The following FGD6 variants were observed in gnomAD, a reference collection of about 807,000 sequenced individuals.
The protein encoded by FGD6 is FYVE, RhoGEF and PH domain containing 6.
Under a neutral mutation model 149.4 loss-of-function variants are expected in FGD6, and 90 were observed. That is an observed-to-expected ratio of 0.60 (90% CI 0.51 to 0.72). FGD6 has a LOEUF of 0.72. Ranked by LOEUF, FGD6 falls within the 30% of genes least tolerant of loss-of-function variation. The pLI, the probability that FGD6 is intolerant of heterozygous loss-of-function variation, is 0.00. For synonymous variants in FGD6, 527 were observed against 584.0 expected (o/e 0.90, Z 1.41); for missense variants, 1,437 against 1,684.8 (o/e 0.85, Z 2.57).
chr12:95,171,039 C>T (rs1205475315), intron 3 of FGD6, among the ~76,000 whole-genome samples: 1 of 152,114 alleles, frequency 6.6e-6, no homozygotes, highest in Non-Finnish European at 1.5e-5. Context: ...TATTATGTGC[C>T]GATCAATATT....
Position 95,211,284 on chromosome 12 carries a change from A to G in FGD6, c.17-17T>C. 6.5e-7 allele frequency: 1 copy of G among 1,529,492 alleles called. No individual in the cohort carries two copies. Among genetic ancestry groups the G allele is most frequent in the South Asian group, 1.3e-5 (1 of 78,324 alleles). The allele number at this position is 1,529,492 out of a possible 1,614,324, so 94.7% of individuals were successfully genotyped here. On this transcript the variant is annotated splice_polypyrimidine_tract_variant and intron_variant, in intron 1 of 20. Transcript: ENST00000343958. ...TCTTTATCTCTAGAAAGGAAAAAATAATAATTTGATGTCAAAACAACCAAA... is the reference window on the plus strand; with the variant it reads ...TCTTTATCTCTAGAAAGGAAAAAATGATAATTTGATGTCAAAACAACCAAA...
chr12:95,150,013 C>CACACAT (rs1555220381), intron 5 of FGD6, among the ~76,000 whole-genome samples: 4 of 147,462 alleles, frequency 2.7e-5, no homozygotes, highest in African/African-American at 1.0e-4. Context: ...CACACACACA[C>CACACAT]ACACACACAC....
intron 1 of FGD6, among the ~76,000 whole-genome samples, chr12:95,212,419 G>T (rs994107823): frequency 6.6e-6 from 1 of 152,172 alleles, no homozygotes; most frequent in Non-Finnish European, 1.5e-5. Flanking sequence ...CATCGGTACA[G>T]ATCTGCTCCT....
At chr12:95,084,364 G>A (rs1219815187) in intron 20 of FGD6, 134 bp downstream of exon 20, 3 of 721,746 alleles carry the variant, frequency 4.2e-6, no homozygotes, top group Admixed American at 3.6e-5. Flanking sequence ...TAAATAATAC[G>A]TTAAATCTTT....
At chr12:95,117,501 T>C (rs1879055245) in intron 8 of FGD6, among the ~76,000 whole-genome samples, 1 of 152,022 alleles carries the variant, frequency 6.6e-6, no homozygotes, top group Non-Finnish European at 1.5e-5. Flanking sequence ...CAATGCTCAT[T>C]GTAGCTTCAA....
At chr12:95,194,420 A>G (rs1173447434) in intron 2 of FGD6, among the ~76,000 whole-genome samples, 1 of 113,594 alleles carries the variant, frequency 8.8e-6, no homozygotes, top group Non-Finnish European at 1.9e-5. Flanking sequence ...TTTTCAGTAG[A>G]GTCGGGGTTT....
chr12:95,123,504 A>C (rs1352933632), intron 8 of FGD6, among the ~76,000 whole-genome samples: 1 of 152,144 alleles, frequency 6.6e-6, no homozygotes, highest in Non-Finnish European at 1.5e-5. Context: ...TTTAGTGGGA[A>C]AGTCTAGCTA....
chr12:95,154,210 T>C (rs1880400690), intron 3 of FGD6, among the ~76,000 whole-genome samples: 1 of 152,148 alleles, frequency 6.6e-6, no homozygotes, highest in South Asian at 2.1e-4. Context: ...TCTGTCCACC[T>C]TGGCCTTCCA....
chr12:95,181,265 T>C (rs1039858647), intron 2 of FGD6, among the ~76,000 whole-genome samples: 16 of 152,144 alleles, frequency 1.1e-4, no homozygotes, highest in Non-Finnish European at 2.2e-4. Context: ...AACATAATAA[T>C]AGGGTCCGTC....
chr12:95,210,535 C>T lies in FGD6; in HGVS notation c.749G>A (p.Cys250Tyr). Residue 250 changes from cysteine (C) to tyrosine (Y), a missense_variant, in exon 2 of 21, where the codon TGT (cysteine) becomes TAT (tyrosine). By Grantham distance (194) the Cys-to-Tyr change is radical (BLOSUM62 -2). Transcript: ENST00000343958. ...ATCCTGGCAAGTTTCAAAATGTTCA[C>T]ATTCATCACTAGGAAGCTGTAAGTG... ...SCHLQLPSDECEHFETCQDDS... is the reference protein window; with the variant it reads ...SCHLQLPSDEYEHFETCQDDS... The T allele has an allele frequency of 6.2e-7, 1 of 1,614,112 alleles. No individual in the cohort carries two copies. The highest frequency in any genetic ancestry group is 8.5e-7 in the Non-Finnish European group (1 of 1,180,016).
chr12:95,143,111 AG>A (rs1034469883), intron 5 of FGD6, among the ~76,000 whole-genome samples: 125 of 152,210 alleles, frequency 8.2e-4, no homozygotes, highest in African/African-American at 2.8e-3. Context: ...AAAATCTGAA[AG>A]CAAAGTTTGG....
At chr12:95,174,832 G>A (rs1881085997) in intron 2 of FGD6, among the ~76,000 whole-genome samples, 1 of 146,590 alleles carries the variant, frequency 6.8e-6, no homozygotes, top group Non-Finnish European at 1.5e-5. Context: ...GGAGGCTGAG[G>A]CAGAGAATGG....
At chr12:95,174,927 CAAAAAAAAAA>C (rs10687970) in intron 2 of FGD6, among the ~76,000 whole-genome samples, 2 of 84,684 alleles carry the variant, frequency 2.4e-5, no homozygotes, top group Non-Finnish European at 4.1e-5. Flanking sequence ...ACTCCATCTC[CAAAAAAAAAA>C]AAAAAAAAAA....
At chr12:95,102,460 A>C (rs1436758873) in intron 14 of FGD6, among the ~76,000 whole-genome samples, 4 of 151,372 alleles carry the variant, frequency 2.6e-5, no homozygotes, top group Non-Finnish European at 4.4e-5. Context: ...AAAAAAAAAA[A>C]AAAAAAACAC....
At chr12:95,086,164 T>C (rs1438983017) in intron 18 of FGD6, among the ~76,000 whole-genome samples, 1 of 152,198 alleles carries the variant, frequency 6.6e-6, no homozygotes, top group Non-Finnish European at 1.5e-5. Flanking sequence ...GTATGTTTCT[T>C]GGTGGGTTCA....
At chr12:95,204,665 G>A (rs755824698) in intron 2 of FGD6, among the ~76,000 whole-genome samples, 1 of 152,090 alleles carries the variant, frequency 6.6e-6, no homozygotes, top group Non-Finnish European at 1.5e-5. Flanking sequence ...CCTGGCTACC[G>A]CCTCAGCCCC....
intron 15 of FGD6, among the ~76,000 whole-genome samples, chr12:95,094,219 G>A (rs994896582): frequency 4.0e-5 from 6 of 151,490 alleles, no homozygotes; most frequent in African/African-American, 1.2e-4. Context: ...TCACGTGCTC[G>A]GAATACTAAG....
In FGD6 at chr12:95,209,739, G is replaced by A. The variant is rs868225910; in HGVS notation, c.1545C>T (p.Ser515=). Residue 515 remains serine, a synonymous_variant, in exon 2 of 21, where the codon TCC becomes TCT. Transcript: ENST00000343958. ...AAGAACTTTTTTCCAAAAGCTCCTC[G>A]GAGGCAGCCTTTTTAAGCACTCCTG... is the stretch of plus-strand genomic sequence containing the variant. ...PATGVLKKAA[S]EELLEKSSYP... is the part of the protein sequence containing the mutation. 14 of 1,613,844 alleles carry A rather than the reference G, an allele frequency of 8.7e-6. No individual in the cohort carries two copies. Among genetic ancestry groups the A allele is most frequent in the East Asian group, 6.7e-5 (3 of 44,878 alleles).
chr12:95,201,129 C>T lies in FGD6; in HGVS notation c.2441+7714G>A, dbSNP rs563912722. On this transcript the variant is annotated intron_variant, in intron 2 of 20. Coordinates refer to ENST00000343958, the MANE Select transcript of FGD6 (RefSeq NM_018351.4). Reference sequence around the variant, plus strand: ...AAAATGTCTAGAAGAACATAAAAAGCTATCAAATGTAATATACAAGCACAG... The same window carrying T: ...AAAATGTCTAGAAGAACATAAAAAGTTATCAAATGTAATATACAAGCACAG... 2.6e-5 allele frequency among the ~76,000 whole-genome samples: 4 copies of T among 151,800 alleles called. No individual in the cohort carries two copies. The South Asian group carries it at 8.3e-4, about 32-fold the overall frequency.
Sources: allele counts gnomAD v4.1 joint callset (sites outside exome capture counted in the v4.1 genomes callset), GRCh38; gene constraint gnomAD v4.1.1; transcripts MANE v1.5; gene names NCBI Gene and HGNC (gene_info 2026-07-23, HGNC 2026-07-21).